Variants in NDST1 observed in about 807,000 individuals in gnomAD.
The protein encoded by NDST1 is N-deacetylase and N-sulfotransferase 1.
NDST1 carries 35 observed loss-of-function variants against 92.8 expected under a neutral mutation model. That is an observed-to-expected ratio of 0.38 (90% CI 0.29 to 0.50). The LOEUF is 0.50. NDST1 is among the 20% of genes least tolerant of loss of function. The pLI, the probability that NDST1 is intolerant of heterozygous loss-of-function variation, is 0.94. For missense variants in NDST1, 822 were observed against 1,182.7 expected (o/e 0.69, Z 4.47); for synonymous variants, 493 against 500.3 (o/e 0.99, Z 0.19).
At chr5:150,520,547 G>A (rs563880803) in intron 1 of NDST1, among the ~76,000 whole-genome samples, 28 of 152,176 alleles carry the variant, frequency 1.8e-4, no homozygotes, top group African/African-American at 6.5e-4. Flanking sequence ...GCCTAGTCTT[G>A]GACTCTGATA....
At chr5:150,512,880 G>A (rs1753787852) in intron 1 of NDST1, among the ~76,000 whole-genome samples, 1 of 152,208 alleles carries the variant, frequency 6.6e-6, no homozygotes. Flanking sequence ...AAGGTCATGA[G>A]GCTGGTAAAT....
At chr5:150,536,541 C>G (rs1385888896) in intron 6 of NDST1, among the ~76,000 whole-genome samples, 2 of 151,754 alleles carry the variant, frequency 1.3e-5, no homozygotes, top group Admixed American at 6.6e-5. Flanking sequence ...CCTGGGGCTT[C>G]TACCATGCAT....
chr5:150,535,769 G>T lies in NDST1; in HGVS notation c.1321G>T (p.Val441Leu), dbSNP rs746022379. The change falls in exon 6 of 15, where the codon GTG becomes TTG. Residue 441 changes from valine (V) to leucine (L), a missense_variant. Transcript: ENST00000261797. ...PHHSGVYPVHVQLYEAWKQVW... is the reference protein window; with the variant it reads ...PHHSGVYPVHLQLYEAWKQVW... Reference sequence around the variant, plus strand: ...CCACTCGGGCGTGTACCCCGTGCACGTGCAGCTGTACGAGGCTTGGAAGCA... The same window carrying T: ...CCACTCGGGCGTGTACCCCGTGCACTTGCAGCTGTACGAGGCTTGGAAGCA... The T allele has an allele frequency of 5.6e-6, 9 of 1,614,216 alleles. No homozygotes were observed. Among genetic ancestry groups the T allele is most frequent in the Non-Finnish European group, 7.6e-6 (9 of 1,180,048 alleles).
rs1755309120 is a variant in NDST1 at position 150,542,884 on chromosome 5, C to T, written c.1883C>T (p.Pro628Leu). 1 of 1,614,182 alleles carries T rather than the reference C, an allele frequency of 6.2e-7. No homozygotes were observed. ...TALYLFLGMH[P>L]DLSSNYPSSE... ...CTCTACCTGTTCCTGGGCATGCACCCTGACCTAAGCAGCAACTACCCCAGC... is the reference window on the plus strand; with the variant it reads ...CTCTACCTGTTCCTGGGCATGCACCTTGACCTAAGCAGCAACTACCCCAGC... The change falls in exon 10 of 15, where the codon CCT becomes CTT. Residue 628 changes from proline (P) to leucine (L), a missense_variant. Transcript: ENST00000261797.
rs1754958867 is a variant in NDST1 at position 150,535,807 on chromosome 5, C to T, written c.1359C>T (p.Ile453=). 1.2e-6 allele frequency: 2 copies of T among 1,614,062 alleles called. No homozygotes were observed. The highest frequency in any genetic ancestry group is 3.3e-5 in the Admixed American group (2 of 60,012). Residue 453 remains isoleucine (I), a synonymous_variant, in exon 6 of 15, where the codon ATC becomes ATT. Transcript: ENST00000261797. ...AGGCTTGGAAGCAGGTGTGGAGCAT[C>T]CGCGTGACCAGCACGGAGGAGTACC... ...LYEAWKQVWS[I]RVTSTEEYPH...
chr5:150,522,907 G>A (rs1273370981), intron 2 of NDST1, among the ~76,000 whole-genome samples: 4 of 152,364 alleles, frequency 2.6e-5, no homozygotes, highest in East Asian at 1.9e-4. Flanking sequence ...TTAAGTGCAC[G>A]AGTCCTAAAG....
chr5:150,539,601 T>A (rs72805971), intron 7 of NDST1: 358 of 1,391,422 alleles, frequency 2.6e-4, no homozygotes, highest in Admixed American at 8.9e-4. Context: ...GGCATTTTTA[T>A]GCATGTTCCC....
At chr5:150,549,054 C>G (rs909337548) in intron 12 of NDST1, among the ~76,000 whole-genome samples, 3 of 152,214 alleles carry the variant, frequency 2.0e-5, no homozygotes, top group Non-Finnish European at 4.4e-5. Flanking sequence ...CTCTGTCTCC[C>G]AGGCTGGAGT....
At position 150,509,150 on chromosome 5, in the gene NDST1, T is replaced by G. The variant is rs537333361; in HGVS notation, c.-388+924T>G. 2.6e-4 allele frequency among the ~76,000 whole-genome samples: 40 copies of G among 152,270 alleles called. No individual in the cohort carries two copies. The South Asian group carries it at 7.0e-3, about 27-fold the overall frequency. ...CGCATGGATTTTGGCTTCTGCATCCTTGAGATGGAGGCCCCTGAGTCTGCC... is the reference window on the plus strand; with the variant it reads ...CGCATGGATTTTGGCTTCTGCATCCGTGAGATGGAGGCCCCTGAGTCTGCC... On this transcript the variant is annotated intron_variant, in intron 1 of 14. Transcript: ENST00000261797.
At chr5:150,541,189 G>A (rs553023392) in intron 8 of NDST1, among the ~76,000 whole-genome samples, 85 of 152,286 alleles carry the variant, frequency 5.6e-4, no homozygotes, top group African/African-American at 2.0e-3. Flanking sequence ...CGGCAGAGTC[G>A]AGTAGTTGCA....
intron 1 of NDST1, among the ~76,000 whole-genome samples, chr5:150,518,215 C>T (rs1754071846): frequency 6.6e-6 from 1 of 151,918 alleles, no homozygotes; most frequent in Non-Finnish European, 1.5e-5. Context: ...AGCTTAGGTA[C>T]CCTTCCTCCA....
chr5:150,547,409 G>C (rs1004996885), intron 11 of NDST1, among the ~76,000 whole-genome samples: 1 of 152,186 alleles, frequency 6.6e-6, no homozygotes, highest in Non-Finnish European at 1.5e-5. Flanking sequence ...TTGGCGGCTG[G>C]GGGATAGTGC....
rs574084798 is a variant in NDST1 at position 150,545,246 on chromosome 5, G to A, written c.1971-66G>A. 11 of 1,579,472 alleles carry A rather than the reference G, an allele frequency of 7.0e-6. No individual in the cohort carries two copies. The East Asian group carries it at 2.0e-4, about 29-fold the overall frequency. ...TTCTACCCCAGTGCCTCGCCCTTGTGCTGCATTCCCTTAGCCCCCTCCTCA... is the reference window on the plus strand; with the variant it reads ...TTCTACCCCAGTGCCTCGCCCTTGTACTGCATTCCCTTAGCCCCCTCCTCA... On this transcript the variant is annotated intron_variant, in intron 10 of 14. Transcript: ENST00000261797.
At chr5:150,548,096 C>T in intron 11 of NDST1, 122 bp from the exon 12 acceptor site, 1 of 1,150,560 alleles carries the variant, frequency 8.7e-7, no homozygotes, top group Non-Finnish European at 1.3e-6. Flanking sequence ...AGCCAGGACT[C>T]AGACCCAGAG....
intron 2 of NDST1, 43 bp from the exon 3 acceptor site, chr5:150,527,761 A>G: frequency 1.2e-6 from 2 of 1,609,234 alleles, no homozygotes; most frequent in South Asian, 1.1e-5. Flanking sequence ...GGGGTTCTGG[A>G]TGTGACAGTT....
intron 7 of NDST1, 171 bp from the exon 8 acceptor site, chr5:150,539,911 C>A: frequency 1.3e-6 from 1 of 751,940 alleles, no homozygotes; most frequent in Non-Finnish European, 1.6e-6. Context: ...CCTGGTTCGT[C>A]TGTCACCTCA....
At position 150,550,225 on chromosome 5, in the gene NDST1, C is replaced by T. The variant is rs144633921; in HGVS notation, c.2426+438C>T. Among the ~76,000 whole-genome samples the T allele has an allele frequency of 1.3e-3, 203 of 151,964 alleles. 7 individuals are homozygous for T. In the East Asian group the frequency reaches 0.037, roughly 27 times the overall value. ...AAGTGATCCTCCCACCTCAGCTTCCCGAGTAGCTTGGGACCGCAGACATGT... is the reference window on the plus strand; with the variant it reads ...AAGTGATCCTCCCACCTCAGCTTCCTGAGTAGCTTGGGACCGCAGACATGT... On this transcript the variant is annotated intron_variant, in intron 13 of 14. Coordinates refer to ENST00000261797, the MANE Select transcript of NDST1 (RefSeq NM_001543.5).
At chr5:150,530,602 C>T (rs1029413210) in intron 3 of NDST1, among the ~76,000 whole-genome samples, 7 of 148,666 alleles carry the variant, frequency 4.7e-5, no homozygotes, top group African/African-American at 1.8e-4. Context: ...CTTACTCTGC[C>T]ACCCAGGCTG....
At chr5:150,513,126 G>C (rs1753797528) in intron 1 of NDST1, among the ~76,000 whole-genome samples, 1 of 152,022 alleles carries the variant, frequency 6.6e-6, no homozygotes, top group Non-Finnish European at 1.5e-5. Flanking sequence ...AGCGTGGGAA[G>C]TTGAGGCTGC....
Sources: gnomAD v4.1 joint callset for allele counts (sites outside exome capture counted in the v4.1 genomes callset) on GRCh38, gnomAD v4.1.1 for gene constraint, MANE v1.5 for transcripts, NCBI Gene and HGNC (gene_info 2026-07-23, HGNC 2026-07-21) for gene names.